The following SAMD5 variants were observed in gnomAD, a reference collection of about 807,000 sequenced individuals.
The protein encoded by SAMD5 is sterile alpha motif domain-containing protein 5.
A neutral mutation model predicts 11.3 loss-of-function variants in SAMD5; 13 were observed. The ratio of observed to expected loss-of-function variants is 1.15; its 90% CI spans 0.75 to 1.83. The LOEUF (loss-of-function observed/expected upper bound fraction) is 1.83, where lower values mean the gene tolerates loss of function less well. Among genes scored for constraint, SAMD5 ranks in the 40% most tolerant of loss-of-function variants. The probability of loss-of-function intolerance (pLI) is 0.00; values close to 1 mark genes in which losing one functional copy is unlikely to be tolerated. For missense variants in SAMD5, 255 were observed against 239.1 expected (o/e 1.07, Z -0.44); for synonymous variants, 129 against 111.3 (o/e 1.16, Z -1.00).
the SAMD5 span, among the ~76,000 whole-genome samples, chr6:147,894,030 T>A: frequency 6.6e-6 from 1 of 152,112 alleles, no homozygotes; most frequent in Non-Finnish European, 1.5e-5. Context: ...GACACAGGTG[T>A]ACTTTATTTA....
the SAMD5 span, among the ~76,000 whole-genome samples, chr6:147,846,152 C>T: frequency 1.3e-5 from 2 of 150,406 alleles, no homozygotes; most frequent in Admixed American, 6.6e-5. Flanking sequence ...AGGTATGTGA[C>T]ACTTGTATTT....
chr6:147,653,469 G>T (rs965026727), intron 1 of SAMD5, among the ~76,000 whole-genome samples: 1 of 152,194 alleles, frequency 6.6e-6, no homozygotes, highest in South Asian at 2.1e-4. Flanking sequence ...GCTCCGTCGA[G>T]CAGTCCTCCT....
At chr6:147,917,448 T>C in the SAMD5 span, among the ~76,000 whole-genome samples, 5 of 152,086 alleles carry the variant, frequency 3.3e-5, no homozygotes, top group Non-Finnish European at 1.5e-5. Flanking sequence ...CTGTAGATTC[T>C]GGATATTAGC....
chr6:147,556,337 C>T (rs186579441), intron 1 of SAMD5, among the ~76,000 whole-genome samples: 1 of 152,350 alleles, frequency 6.6e-6, no homozygotes, highest in East Asian at 1.9e-4. Flanking sequence ...CGTGATCCAC[C>T]TGCCTCAGCC....
the SAMD5 span, among the ~76,000 whole-genome samples, chr6:147,931,407 C>T: frequency 3.3e-5 from 5 of 152,268 alleles, no homozygotes; most frequent in South Asian, 8.3e-4. Flanking sequence ...AAAATGCCCT[C>T]ATTTTTCAAA....
At chr6:147,651,340 T>C (rs1790480772) in intron 1 of SAMD5, among the ~76,000 whole-genome samples, 1 of 152,200 alleles carries the variant, frequency 6.6e-6, no homozygotes, top group African/African-American at 2.4e-5. Flanking sequence ...ACTTTCTCCA[T>C]TGCTAACTCT....
chr6:147,569,354 T>C lies in SAMD5; in HGVS notation c.*4898T>C, dbSNP rs1031547383. The C allele has an allele frequency of 2.5e-6, 2 of 806,876 alleles. No individual in the cohort carries two copies. Among genetic ancestry groups the C allele is most frequent in the African/African-American group, 3.7e-5 (2 of 53,546 alleles). 50.0% of individuals were successfully genotyped at this position (806,876 alleles called of 1,614,324 possible). A position where few individuals can be genotyped will look rare whatever the true frequency, so the allele number is the denominator to read the frequency against. ...ATTTTTTATTACTGCAGTTGAGAGA[T>C]ACCTTTTCAGAGGAAAACAAGAGGC... is the stretch of plus-strand genomic sequence containing the variant. On this transcript the variant is annotated 3_prime_UTR_variant, in exon 2 of 2. Coordinates refer to ENST00000367474, the MANE Select transcript of SAMD5 (RefSeq NM_001030060.3).
chr6:147,549,004 A>G (rs1583077710), intron 1 of SAMD5, among the ~76,000 whole-genome samples: 2 of 152,104 alleles, frequency 1.3e-5, no homozygotes, highest in Non-Finnish European at 1.5e-5. Flanking sequence ...ATGGTTCACA[A>G]ATTAAATCTT....
downstream of SAMD5, among the ~76,000 whole-genome samples, chr6:147,574,295 G>A (rs553709045): frequency 2.0e-5 from 3 of 152,262 alleles, no homozygotes; most frequent in Middle Eastern, 3.4e-3. Context: ...TTCTACAGAT[G>A]AGGAATCTGA....
chr6:147,809,718 A>G, the SAMD5 span, among the ~76,000 whole-genome samples: 1 of 152,172 alleles, frequency 6.6e-6, no homozygotes, highest in Non-Finnish European at 1.5e-5. Flanking sequence ...TAAGTTTTCA[A>G]CACCCTAAGT....
At chr6:147,822,637 A>G in the SAMD5 span, among the ~76,000 whole-genome samples, 1 of 152,156 alleles carries the variant, frequency 6.6e-6, no homozygotes, top group Admixed American at 6.5e-5. Flanking sequence ...ACCCTTGGTT[A>G]TAAGAAGTCA....
At chr6:147,804,283 T>C in the SAMD5 span, among the ~76,000 whole-genome samples, 3 of 152,084 alleles carry the variant, frequency 2.0e-5, no homozygotes, top group African/African-American at 4.8e-5. Flanking sequence ...AATTTTTTTT[T>C]GTATTTTTAG....
At position 147,685,515 on chromosome 6, in the gene SAMD5, G is replaced by A. The variant is rs565114016; in HGVS notation, c.163-51802G>A. Among the ~76,000 whole-genome samples the A allele has an allele frequency of 4.6e-5, 7 of 152,222 alleles. No individual in the cohort carries two copies. The South Asian group carries it at 1.5e-3, about 32-fold the overall frequency. ...GTCTTTTGCTGGAGTCGCTTCCTCT[G>A]GGACATCTTAATTCTTTTCATCACA... On this transcript the variant is annotated intron_variant, in intron 1 of 1. Coordinates refer to the SAMD5 transcript ENST00000566741.
chr6:147,546,421 T>C (rs928986492), intron 1 of SAMD5, among the ~76,000 whole-genome samples: 1 of 151,980 alleles, frequency 6.6e-6, no homozygotes, highest in African/African-American at 2.4e-5. Context: ...TCTCAGCTAC[T>C]TGGGAGGCTG....
chr6:147,600,800 A>T (rs1789603489), intron 1 of SAMD5, among the ~76,000 whole-genome samples: 1 of 152,228 alleles, frequency 6.6e-6, no homozygotes. Flanking sequence ...AAGTGTGAGA[A>T]CAAATTATGG....
chr6:147,906,973 G>GCTGC, the SAMD5 span, among the ~76,000 whole-genome samples: 1 of 152,168 alleles, frequency 6.6e-6, no homozygotes. Flanking sequence ...CAGTGCAATA[G>GCTGC]CTGCCTCCCT....
At chr6:147,937,824 A>G in the SAMD5 span, among the ~76,000 whole-genome samples, 1 of 152,210 alleles carries the variant, frequency 6.6e-6, no homozygotes, top group Non-Finnish European at 1.5e-5. Flanking sequence ...TTTAAGTTCA[A>G]ATTGCCTAAG....
chr6:147,611,425 T>A (rs550281298), intron 1 of SAMD5, among the ~76,000 whole-genome samples: 8 of 151,796 alleles, frequency 5.3e-5, no homozygotes, highest in African/African-American at 1.7e-4. Flanking sequence ...TAGCCAGGCA[T>A]GGTGGTGCGC....
At chr6:147,925,613 T>C in the SAMD5 span, among the ~76,000 whole-genome samples, 1 of 151,864 alleles carries the variant, frequency 6.6e-6, no homozygotes, top group African/African-American at 2.4e-5. Context: ...GGACAGTCAA[T>C]GTTTGAAAGA....
Sources: allele counts gnomAD v4.1 joint callset (sites outside exome capture counted in the v4.1 genomes callset), GRCh38; gene constraint gnomAD v4.1.1; transcripts MANE v1.5; gene names NCBI Gene and HGNC (gene_info 2026-07-23, HGNC 2026-07-21).